Variants in TMOD1 observed in about 807,000 individuals in gnomAD.
TMOD1 encodes the protein tropomodulin-1.
TMOD1 carries 17 observed loss-of-function variants against 40.6 expected under a neutral mutation model. The ratio of observed to expected loss-of-function variants is 0.42; its 90% CI spans 0.29 to 0.63. The LOEUF (loss-of-function observed/expected upper bound fraction) is 0.63, where lower values mean the gene tolerates loss of function less well. Ranked by LOEUF, TMOD1 falls within the 20% of genes least tolerant of loss-of-function variation. The pLI, the probability that TMOD1 is intolerant of heterozygous loss-of-function variation, is 0.22. For missense variants in TMOD1, 391 were observed against 447.6 expected, an observed-to-expected ratio of 0.87 and a Z score of 1.14; for synonymous variants, 181 against 175.0, an observed-to-expected ratio of 1.03 and a Z score of -0.27.
intron 7 of TMOD1, among the ~76,000 whole-genome samples, 186 bp from the exon 8 acceptor site, chr9:97,568,705 TCTC>T (rs1830771007): frequency 6.6e-6 from 1 of 152,038 alleles, no homozygotes; most frequent in African/African-American, 2.4e-5. Flanking sequence ...AGCATAGAAT[TCTC>T]CTGTGGGGGA....
Position 97,545,061 on chromosome 9 carries a change from G to A in TMOD1, c.121-1124G>A, listed in dbSNP as rs1467277100. Among the ~76,000 whole-genome samples the A allele has an allele frequency of 2.6e-5, 4 of 151,494 alleles. No homozygotes were observed. In the East Asian group the frequency reaches 5.8e-4, roughly 22 times the overall value. ...GTGGAATGACTCTTCAGTTTAGTCA[G>A]TTTGAGGGTGCATATCTTTTGGGTG... On this transcript the variant is annotated intron_variant, in intron 2 of 9. Transcript: ENST00000259365.
At chr9:97,512,854 C>G (rs1157020684) in intron 1 of TMOD1, 1 of 152,036 alleles carries the variant, frequency 6.6e-6, no homozygotes, top group African/African-American at 2.4e-5. Flanking sequence ...TGTTTAGTAT[C>G]TTCATTTGAA....
intron 8 of TMOD1, among the ~76,000 whole-genome samples, chr9:97,582,419 G>A (rs1429827606): frequency 6.7e-6 from 1 of 148,480 alleles, no homozygotes. Context: ...AGTATAGTTT[G>A]AAGTCAGGTA....
chr9:97,525,718 T>C (rs1052728428), intron 2 of TMOD1, among the ~76,000 whole-genome samples: 26 of 152,252 alleles, frequency 1.7e-4, no homozygotes, highest in Non-Finnish European at 1.5e-5. Flanking sequence ...AGCTATCCAA[T>C]TTCTCCTTGG....
At chr9:97,597,144 C>T (rs1293167886) in intron 9 of TMOD1, among the ~76,000 whole-genome samples, 1 of 152,222 alleles carries the variant, frequency 6.6e-6, no homozygotes, top group East Asian at 1.9e-4. Context: ...CTGGAGAGCC[C>T]TTCTGGCATT....
At chr9:97,569,423 G>A (rs1830785724) in intron 8 of TMOD1, among the ~76,000 whole-genome samples, 1 of 152,174 alleles carries the variant, frequency 6.6e-6, no homozygotes, top group African/African-American at 2.4e-5. Context: ...AGATCTCATG[G>A]ACCACTAAGC....
At chr9:97,546,482 C>G (rs1254989373) in intron 3 of TMOD1, 141 bp downstream of exon 3, 1 of 795,656 alleles carries the variant, frequency 1.3e-6, no homozygotes, top group East Asian at 2.9e-5. Context: ...GCCAAAACAC[C>G]CAAACCCAAC....
At chr9:97,517,191 T>A (rs886389196) in intron 1 of TMOD1, among the ~76,000 whole-genome samples, 16 of 151,656 alleles carry the variant, frequency 1.1e-4, no homozygotes, top group South Asian at 4.2e-4. Context: ...TACAAAAAAA[T>A]TTTTTTAAAT....
intron 1 of TMOD1, among the ~76,000 whole-genome samples, chr9:97,521,865 G>A (rs77491114): frequency 0.029 from 4,379 of 152,316 alleles, 103 homozygotes; most frequent in African/African-American, 0.064. Flanking sequence ...CTGAGACAGA[G>A]ACTTTTTCTG....
At chr9:97,563,643 G>T (rs1317585638) in intron 5 of TMOD1, among the ~76,000 whole-genome samples, 1 of 152,034 alleles carries the variant, frequency 6.6e-6, no homozygotes. Context: ...CAGAAATGAG[G>T]CTGCCAAAAA....
chr9:97,591,567 C>A, intron 9 of TMOD1, 132 bp downstream of exon 9: 1 of 1,169,260 alleles, frequency 8.6e-7, no homozygotes, highest in Non-Finnish European at 1.2e-6. Flanking sequence ...TTGATCGCGT[C>A]TTCCTTGTTT....
intron 6 of TMOD1, among the ~76,000 whole-genome samples, chr9:97,564,421 C>A (rs1414082634): frequency 6.6e-6 from 1 of 152,160 alleles, no homozygotes; most frequent in Non-Finnish European, 1.5e-5. Context: ...ATGTTTAGCA[C>A]GGGCCAACCC....
At chr9:97,549,908 A>G (rs1563987617) in intron 3 of TMOD1, among the ~76,000 whole-genome samples, 1 of 152,176 alleles carries the variant, frequency 6.6e-6, no homozygotes, top group Non-Finnish European at 1.5e-5. Context: ...TTGTAAATTG[A>G]GGTAAAACTT....
At chr9:97,575,654 G>T (rs1340226508) in intron 8 of TMOD1, among the ~76,000 whole-genome samples, 5 of 152,168 alleles carry the variant, frequency 3.3e-5, no homozygotes, top group Non-Finnish European at 7.3e-5. Flanking sequence ...TATCATCTGG[G>T]AATGGCCAGA....
intron 2 of TMOD1, among the ~76,000 whole-genome samples, chr9:97,539,431 A>G (rs1252920054): frequency 6.6e-6 from 1 of 152,182 alleles, no homozygotes; most frequent in African/African-American, 2.4e-5. Flanking sequence ...TTTACATAAT[A>G]AGGTAAATCA....
At chr9:97,506,601 T>A (rs1410533164) in intron 1 of TMOD1, among the ~76,000 whole-genome samples, 3 of 152,232 alleles carry the variant, frequency 2.0e-5, no homozygotes, top group African/African-American at 7.2e-5. Flanking sequence ...AGCCCCATCA[T>A]GATACGTAGC....
At chr9:97,572,633 G>A (rs1408084483) in intron 8 of TMOD1, among the ~76,000 whole-genome samples, 1 of 152,270 alleles carries the variant, frequency 6.6e-6, no homozygotes, top group South Asian at 2.1e-4. Context: ...AGGAGGTGGC[G>A]AGTGGCATTT....
intron 9 of TMOD1, among the ~76,000 whole-genome samples, chr9:97,596,356 T>C (rs1469838649): frequency 6.6e-6 from 1 of 152,146 alleles, no homozygotes; most frequent in Non-Finnish European, 1.5e-5. Context: ...TTGCCTCCCA[T>C]TGCTCTCAGT....
intron 2 of TMOD1, among the ~76,000 whole-genome samples, chr9:97,541,536 G>A (rs1162162354): frequency 7.2e-6 from 1 of 139,098 alleles, no homozygotes; most frequent in Non-Finnish European, 1.6e-5. Flanking sequence ...TTTTTTTTTT[G>A]AGACAGTCTC....
Sources: allele counts gnomAD v4.1 joint callset (sites outside exome capture counted in the v4.1 genomes callset), GRCh38; gene constraint gnomAD v4.1.1; transcripts MANE v1.5; gene names NCBI Gene and HGNC (gene_info 2026-07-23, HGNC 2026-07-21).